ABCD2: variants seen among roughly 807,000 people sequenced by gnomAD.
ABCD2 encodes the protein ATP binding cassette subfamily D member 2.
In ABCD2, 36 loss-of-function variants were observed where a neutral mutation model predicts 70.9. The observed-to-expected ratio is 0.51, with a 90% CI of 0.39 to 0.67. The LOEUF is 0.67. Among genes scored for constraint, ABCD2 ranks in the 30% least tolerant of loss-of-function variants. ABCD2 has a pLI of 0.00. For synonymous variants in ABCD2, 304 were observed against 306.9 expected (o/e 0.99, Z 0.10); for missense variants, 729 against 890.2 (o/e 0.82, Z 2.30).
intron 7 of ABCD2, among the ~76,000 whole-genome samples, chr12:39,584,503 C>A (rs1941639403): frequency 6.6e-6 from 1 of 152,126 alleles, no homozygotes; most frequent in Non-Finnish European, 1.5e-5. Flanking sequence ...TTTTGCTGTG[C>A]AGAAGCTCTT....
At chr12:39,594,123 T>G (rs757239535) in intron 6 of ABCD2, among the ~76,000 whole-genome samples, 39 of 152,096 alleles carry the variant, frequency 2.6e-4, no homozygotes, top group Admixed American at 1.5e-3. Flanking sequence ...GAAAACAACC[T>G]TAGCTGGTGA....
At chr12:39,596,308 AG>A (rs1407899713) in intron 6 of ABCD2, among the ~76,000 whole-genome samples, 4 of 152,050 alleles carry the variant, frequency 2.6e-5, no homozygotes, top group Non-Finnish European at 5.9e-5. Context: ...GCCTTTCTTG[AG>A]GCACTTATTT....
rs1941075888 is a variant in ABCD2 at position 39,550,679 on chromosome 12, C to G, written c.*3233G>C. ...CATATCTAAATGTATATAATCAGAA[C>G]TGTAAATAGCCTAGGCTATGTGAAA... On this transcript the variant is annotated 3_prime_UTR_variant, in exon 10 of 10. Coordinates refer to ENST00000308666, the MANE Select transcript of ABCD2 (RefSeq NM_005164.4). 6.6e-6 allele frequency: 1 copy of G among 151,766 alleles called. No homozygotes were observed. The highest frequency in any genetic ancestry group is 1.5e-5 in the Non-Finnish European group (1 of 67,696). 9.4% of individuals were successfully genotyped at this position (151,766 alleles called of 1,614,324 possible).
At chr12:39,594,981 T>C (rs1591989203) in intron 6 of ABCD2, among the ~76,000 whole-genome samples, 3 of 151,924 alleles carry the variant, frequency 2.0e-5, no homozygotes, top group African/African-American at 7.2e-5. Flanking sequence ...GGTGGTACCA[T>C]GGTGAACCCA....
In ABCD2 at chr12:39,581,235, T is replaced by A. The variant is rs1941591552; in HGVS notation, c.1793-1616A>T. Among the ~76,000 whole-genome samples the A allele has an allele frequency of 3.3e-5, 5 of 152,174 alleles. No individual in the cohort carries two copies. The South Asian group carries it at 1.0e-3, about 32-fold the overall frequency. On this transcript the variant is annotated intron_variant, in intron 7 of 9. Coordinates refer to ENST00000308666, the MANE Select transcript of ABCD2 (RefSeq NM_005164.4). ...ACATTTAAAAATGCCCTTTCATTTA[T>A]GAATTATGTGAAAGTGTTACTCCAA...
intron 9 of ABCD2, among the ~76,000 whole-genome samples, chr12:39,569,878 A>G (rs1212185501): frequency 6.6e-6 from 1 of 152,208 alleles, no homozygotes; most frequent in African/African-American, 2.4e-5. Context: ...TTATAAATGA[A>G]TTCAGGAAAG....
intron 7 of ABCD2, among the ~76,000 whole-genome samples, chr12:39,582,725 C>T (rs1376087347): frequency 6.6e-6 from 1 of 152,060 alleles, no homozygotes; most frequent in African/African-American, 2.4e-5. Context: ...ATTTTTCTTG[C>T]CTGCCTTATT....
chr12:39,589,896 T>C (rs188230222), intron 6 of ABCD2, among the ~76,000 whole-genome samples: 82 of 151,774 alleles, frequency 5.4e-4, no homozygotes, highest in African/African-American at 1.9e-3. Context: ...AAATAATACA[T>C]TCTATATATG....
intron 9 of ABCD2, among the ~76,000 whole-genome samples, chr12:39,569,399 C>A (rs1185087662): frequency 2.0e-5 from 3 of 152,216 alleles, no homozygotes; most frequent in Non-Finnish European, 4.4e-5. Context: ...ATGAGCAAGG[C>A]TCCGTGGGCA....
chr12:39,617,153 G>C lies in ABCD2; in HGVS notation c.955C>G (p.Leu319Val). 6.3e-7 allele frequency: 1 copy of C among 1,594,996 alleles called. No individual in the cohort carries two copies. Among genetic ancestry groups the C allele is most frequent in the Non-Finnish European group, 8.5e-7 (1 of 1,172,330 alleles). ...YRGHKVEMKQ[L>V]QKSYKALADQ... ...GCTAAAGCTTTGTAACTTTTCTGAA[G>C]TTGTTTCATTTCTACCTATAGAGAG... Residue 319 changes from leucine to valine, a missense_variant, in exon 2 of 10, where the codon CTT (leucine) becomes GTT (valine). Transcript: ENST00000308666.
chr12:39,570,361 C>T (rs1454955304), intron 9 of ABCD2, among the ~76,000 whole-genome samples: 2 of 152,190 alleles, frequency 1.3e-5, no homozygotes, highest in Non-Finnish European at 2.9e-5. Context: ...GCAACCCAAA[C>T]AGCATTGTAC....
intron 9 of ABCD2, among the ~76,000 whole-genome samples, chr12:39,555,048 TA>T (rs1321485609): frequency 6.6e-6 from 1 of 152,190 alleles, no homozygotes; most frequent in Non-Finnish European, 1.5e-5. Flanking sequence ...AATTGAGAGA[TA>T]ATTCACATAC....
chr12:39,538,291 TC>T, the ABCD2 span, among the ~76,000 whole-genome samples: 4 of 150,410 alleles, frequency 2.7e-5, no homozygotes, highest in Non-Finnish European at 5.9e-5. Flanking sequence ...TGTCTCAGCC[TC>T]CCGAGTAGCT....
chr12:39,549,983 T>C (rs1157079873), downstream of ABCD2: 2 of 151,848 alleles, frequency 1.3e-5, no homozygotes, highest in Non-Finnish European at 3.0e-5. Context: ...GTTGACTTTT[T>C]GTCTGACTGA....
the ABCD2 span, among the ~76,000 whole-genome samples, chr12:39,541,859 G>A: frequency 2.0e-5 from 3 of 152,260 alleles, no homozygotes; most frequent in East Asian, 5.8e-4. Flanking sequence ...TGAACTTCAT[G>A]CACATAACAT....
chr12:39,536,430 T>C, the ABCD2 span, among the ~76,000 whole-genome samples: 1 of 152,246 alleles, frequency 6.6e-6, no homozygotes, highest in Non-Finnish European at 1.5e-5. Context: ...TATATTCTCA[T>C]GCTTAAGTTA....
chr12:39,542,021 G>A, the ABCD2 span, among the ~76,000 whole-genome samples: 6 of 152,200 alleles, frequency 3.9e-5, no homozygotes, highest in African/African-American at 1.4e-4. Context: ...GCAGCATAGG[G>A]TGGGCCTCTG....
chr12:39,551,886 T>C lies in ABCD2; in HGVS notation c.*2026A>G, dbSNP rs1941092984. The stretch of plus-strand genomic sequence containing the variant: ...AATTAAGGCATGAAAATTATACACA[T>C]CTTTCACATGAGGATTTTTCATTTT... On this transcript the variant is annotated 3_prime_UTR_variant, in exon 10 of 10. Coordinates refer to ENST00000308666, the MANE Select transcript of ABCD2 (RefSeq NM_005164.4). 6.6e-6 allele frequency: 1 copy of C among 151,872 alleles called. No individual in the cohort carries two copies. The highest frequency in any genetic ancestry group is 1.5e-5 in the Non-Finnish European group (1 of 67,766). The allele number at this position is 151,872 out of a possible 1,614,324, so 9.4% of individuals were successfully genotyped here.
chr12:39,534,735 G>GGAAGGAAGGAAGGAAAA, the ABCD2 span, among the ~76,000 whole-genome samples: 7 of 96,996 alleles, frequency 7.2e-5, no homozygotes, highest in African/African-American at 2.7e-4. Context: ...AGGAAAAGAA[G>GGAAGGAAGGAAGGAAAA]GAAGGAAGGA....
Sources: allele counts gnomAD v4.1 joint callset (sites outside exome capture counted in the v4.1 genomes callset), GRCh38; gene constraint gnomAD v4.1.1; transcripts MANE v1.5; gene names NCBI Gene and HGNC (gene_info 2026-07-23, HGNC 2026-07-21).